Variants in SLC14A2 observed in about 807,000 individuals in gnomAD.
SLC14A2 encodes urea transporter 2.
In SLC14A2, 91 loss-of-function variants were observed where a neutral mutation model predicts 104.6. The ratio of observed to expected loss-of-function variants is 0.87; its 90% CI spans 0.73 to 1.04. SLC14A2 has a LOEUF of 1.04. SLC14A2 is among the 50% of genes least tolerant of loss of function. The pLI is 0.00. For synonymous variants in SLC14A2, 476 were observed against 466.4 expected (o/e 1.02, Z -0.27); for missense variants, 1,189 against 1,156.0 (o/e 1.03, Z -0.41).
At chr18:45,334,417 T>C (rs1169479343) in intron 1 of SLC14A2, among the ~76,000 whole-genome samples, 11 of 152,234 alleles carry the variant, frequency 7.2e-5, no homozygotes. Flanking sequence ...TTTTTTGTTT[T>C]GTAATTCTGG....
At chr18:45,583,514 T>A (rs1568285649) in intron 2 of SLC14A2, among the ~76,000 whole-genome samples, 2 of 152,226 alleles carry the variant, frequency 1.3e-5, no homozygotes, top group Non-Finnish European at 1.5e-5. Context: ...ATCTTAAATC[T>A]ACATGGTCTA....
intron 1 of SLC14A2, among the ~76,000 whole-genome samples, chr18:45,453,388 AATC>A (rs1274749006): frequency 6.6e-6 from 1 of 152,176 alleles, no homozygotes; most frequent in Non-Finnish European, 1.5e-5. Flanking sequence ...AAATCTCAGT[AATC>A]AGGACAAATC....
At chr18:45,625,964 T>A in intron 3 of SLC14A2, 101 bp downstream of exon 3, 1 of 896,036 alleles carries the variant, frequency 1.1e-6, no homozygotes, top group Non-Finnish European at 1.5e-6. Context: ...TCATTCACCC[T>A]CACCCTGGGT....
intron 2 of SLC14A2, 57 bp from the exon 3 acceptor site, chr18:45,625,626 A>C: frequency 7.0e-7 from 1 of 1,428,712 alleles, no homozygotes; most frequent in Non-Finnish European, 9.4e-7. Context: ...CTATCCCCAA[A>C]TGTCCCTGCT....
intron 1 of SLC14A2, among the ~76,000 whole-genome samples, chr18:45,391,036 G>A (rs530899201): frequency 1.6e-4 from 24 of 152,080 alleles, no homozygotes; most frequent in African/African-American, 2.7e-4. Context: ...CCATTAACTC[G>A]TCATTTAACA....
intron 1 of SLC14A2, among the ~76,000 whole-genome samples, chr18:45,390,164 A>G (rs2085944717): frequency 1.3e-5 from 2 of 152,166 alleles, no homozygotes; most frequent in Non-Finnish European, 2.9e-5. Flanking sequence ...ACAGGACAAA[A>G]ATCGACACGA....
intron 1 of SLC14A2, among the ~76,000 whole-genome samples, chr18:45,294,356 A>G (rs531592506): frequency 6.6e-6 from 1 of 152,208 alleles, no homozygotes; most frequent in East Asian, 1.9e-4. Flanking sequence ...TACTGAAAAC[A>G]TCCTGTATTT....
chr18:45,339,567 C>A (rs1374935665), intron 1 of SLC14A2, among the ~76,000 whole-genome samples: 19 of 151,754 alleles, frequency 1.3e-4, no homozygotes, highest in Admixed American at 1.2e-3. Context: ...CACACACACA[C>A]AAACACACAC....
intron 2 of SLC14A2, among the ~76,000 whole-genome samples, chr18:45,526,747 A>G (rs2043598537): frequency 6.6e-6 from 1 of 152,102 alleles, no homozygotes; most frequent in Admixed American, 6.6e-5. Context: ...TACATTGTGG[A>G]CAAGCAGAAT....
intron 1 of SLC14A2, among the ~76,000 whole-genome samples, chr18:45,372,269 G>A (rs1237842660): frequency 6.6e-6 from 1 of 151,866 alleles, no homozygotes; most frequent in African/African-American, 2.4e-5. Flanking sequence ...TCAAGATCAT[G>A]CCACTGCACT....
intron 1 of SLC14A2, among the ~76,000 whole-genome samples, chr18:45,285,166 G>A (rs1411592052): frequency 6.6e-6 from 1 of 152,048 alleles, no homozygotes; most frequent in Non-Finnish European, 1.5e-5. Context: ...ACATTCTATT[G>A]GTAGAATAGA....
Position 45,641,290 on chromosome 18 carries a change from G to T in SLC14A2, c.1073G>T (p.Gly358Val). Residue 358 changes from glycine (G) to valine (V), a missense_variant, in exon 8 of 20, where the codon GGA becomes GTA. By Grantham distance (109) the Gly-to-Val change is moderately radical. Coordinates refer to ENST00000255226, the MANE Select transcript of SLC14A2 (RefSeq NM_007163.4). ...YNCVLSCIAIGGMFYALTWQT... is the reference protein window; with the variant it reads ...YNCVLSCIAIVGMFYALTWQT... The stretch of plus-strand genomic sequence containing the variant: ...TGCGTCCTCTCCTGCATCGCCATCG[G>T]AGGCATGTTCTATGCCCTCACCTGG... 1 of 1,614,160 alleles carries T rather than the reference G, an allele frequency of 6.2e-7. No individual in the cohort carries two copies. The highest frequency in any genetic ancestry group is 1.1e-5 in the South Asian group (1 of 91,086).
In SLC14A2 at chr18:45,616,436, T is replaced by A. The variant is rs374011628; in HGVS notation, c.-35+854T>A. ...GCTTCTCAGTGCCCTGGGCATTGAC[T>A]ACTCTGGCTCAGAGTTTCATGCCCA... On this transcript the variant is annotated intron_variant, in intron 1 of 19. Transcript: ENST00000255226. Among the ~76,000 whole-genome samples the A allele has an allele frequency of 5.3e-5, 8 of 152,342 alleles. 1 individual carries two copies. In the East Asian group the frequency reaches 1.2e-3, roughly 22 times the overall value.
intron 1 of SLC14A2, among the ~76,000 whole-genome samples, chr18:45,294,002 G>C (rs1392965238): frequency 6.6e-6 from 1 of 152,130 alleles, no homozygotes; most frequent in Non-Finnish European, 1.5e-5. Flanking sequence ...AAAGAAAGTG[G>C]GTGGGATCAA....
chr18:45,208,873 T>TAGAACATA (rs1054308518), upstream of SLC14A2, among the ~76,000 whole-genome samples: 1 of 151,916 alleles, frequency 6.6e-6, no homozygotes, highest in African/African-American at 2.4e-5. Flanking sequence ...TGAGGTAGCA[T>TAGAACATA]GAACATAGAA....
At chr18:45,553,325 G>A (rs546779177) in intron 2 of SLC14A2, among the ~76,000 whole-genome samples, 1 of 152,284 alleles carries the variant, frequency 6.6e-6, no homozygotes, top group South Asian at 2.1e-4. Context: ...CCCCAAAGTA[G>A]GCCACTGAAG....
chr18:45,268,350 C>T (rs967888408), intron 1 of SLC14A2, among the ~76,000 whole-genome samples: 7 of 152,192 alleles, frequency 4.6e-5, no homozygotes, highest in Admixed American at 1.3e-4. Flanking sequence ...GTTAAATGTT[C>T]GTATAAAAGT....
At chr18:45,601,915 G>C (rs2044795852) in intron 2 of SLC14A2, among the ~76,000 whole-genome samples, 1 of 152,256 alleles carries the variant, frequency 6.6e-6, no homozygotes, top group Admixed American at 6.5e-5. Context: ...GCTTAGGCAG[G>C]ACTGGCTGAA....
At position 45,626,966 on chromosome 18, in the gene SLC14A2, C is replaced by A. The variant is rs2045267203; in HGVS notation, c.340C>A (p.Leu114Ile). 2 of 1,610,420 alleles carry A rather than the reference C, an allele frequency of 1.2e-6. No individual in the cohort carries two copies. Among genetic ancestry groups the A allele is most frequent in the South Asian group, 1.1e-5 (1 of 90,906 alleles). ...CTCTCTGTCTCTTTCAGACAAGCACCTTGCCCTCCAGTTCATAGACTGGGT... is the reference window on the plus strand; with the variant it reads ...CTCTCTGTCTCTTTCAGACAAGCACATTGCCCTCCAGTTCATAGACTGGGT... ...EYRIWLKDKH[L>I]ALQFIDWVLR... Residue 114 changes from leucine (L) to isoleucine (I), a missense_variant, in exon 4 of 20, where the codon CTT (leucine) becomes ATT (isoleucine). Physicochemically the swap from Leu to Ile is conservative, Grantham distance 5 (BLOSUM62 2). Transcript: ENST00000255226.
Sources: allele counts gnomAD v4.1 joint callset (sites outside exome capture counted in the v4.1 genomes callset), GRCh38; gene constraint gnomAD v4.1.1; transcripts MANE v1.5; gene names NCBI Gene and HGNC (gene_info 2026-07-23, HGNC 2026-07-21).